Variants in TTC7B observed in about 807,000 individuals in gnomAD.
TTC7B encodes tetratricopeptide repeat protein 7B.
In TTC7B, 28 loss-of-function variants were observed where a neutral mutation model predicts 106.8. The ratio of observed to expected loss-of-function variants is 0.26; its 90% confidence interval spans 0.19 to 0.36. The LOEUF (loss-of-function observed/expected upper bound fraction) is 0.36, where lower values mean the gene tolerates loss of function less well. TTC7B is among the 10% of genes least tolerant of loss of function. The probability of loss-of-function intolerance (pLI) is 1.00; values close to 1 mark genes in which losing one functional copy is unlikely to be tolerated. For synonymous variants in TTC7B, 405 were observed against 430.6 expected (o/e 0.94, Z 0.74); for missense variants, 862 against 1,076.4 (o/e 0.80, Z 2.79).
intron 19 of TTC7B, chr14:90,569,595 G>A (rs1425804013): frequency 6.6e-6 from 1 of 152,268 alleles, no homozygotes; most frequent in Non-Finnish European, 1.5e-5. Context: ...TTTCTGGTTG[G>A]GAACTCAGTC....
At chr14:90,762,651 T>C (rs541993283) in intron 3 of TTC7B, among the ~76,000 whole-genome samples, 3 of 152,346 alleles carry the variant, frequency 2.0e-5, no homozygotes, top group Admixed American at 2.0e-4. Flanking sequence ...ATGACATGTA[T>C]CGGGTTTGCT....
At chr14:90,763,300 T>TA (rs1290163391) in intron 3 of TTC7B, among the ~76,000 whole-genome samples, 1 of 151,878 alleles carries the variant, frequency 6.6e-6, no homozygotes, top group Non-Finnish European at 1.5e-5. Context: ...AACAATGCAA[T>TA]AAAAAAATTA....
At chr14:90,682,006 T>G (rs1887070882) in intron 7 of TTC7B, among the ~76,000 whole-genome samples, 1 of 152,238 alleles carries the variant, frequency 6.6e-6, no homozygotes. Flanking sequence ...TGAACCATTG[T>G]GTGTATGTGT....
At chr14:90,781,581 C>T (rs1231030930) in intron 2 of TTC7B, among the ~76,000 whole-genome samples, 1 of 152,186 alleles carries the variant, frequency 6.6e-6, no homozygotes, top group Non-Finnish European at 1.5e-5. Context: ...GCACCTGTCT[C>T]AGAAAAGGAA....
intron 4 of TTC7B, 76 bp from the exon 5 acceptor site, chr14:90,730,272 T>A: frequency 6.6e-7 from 1 of 1,514,384 alleles, no homozygotes; most frequent in East Asian, 2.3e-5. Flanking sequence ...TCTCTAAATG[T>A]ACTGCTCGAC....
chr14:90,786,413 AC>A (rs1376654335), intron 1 of TTC7B, 85 bp from the exon 2 acceptor site: 16 of 1,535,166 alleles, frequency 1.0e-5, no homozygotes, highest in Non-Finnish European at 1.3e-5. Flanking sequence ...CAGAACCACC[AC>A]CCTCCGAGGC....
At chr14:90,664,353 T>A (rs1051821688) in intron 9 of TTC7B, among the ~76,000 whole-genome samples, 6 of 152,180 alleles carry the variant, frequency 3.9e-5, no homozygotes, top group Non-Finnish European at 8.8e-5. Context: ...CAGTGCAAGC[T>A]CCGCCTCCTG....
In TTC7B at chr14:90,534,151, G is replaced by C. The variant is rs1442299375; in HGVS notation, c.*7217C>G. ...TGACCTTGAGGGGGGGCCTCAGCCT[G>C]GCCCCCAAAAGACCTTCAGGAGGAG... On this transcript the variant is annotated 3_prime_UTR_variant, in exon 20 of 20. Coordinates refer to ENST00000328459, the MANE Select transcript of TTC7B (RefSeq NM_001010854.2). 6.6e-6 allele frequency: 1 copy of C among 152,374 alleles called. No homozygotes were observed. The highest frequency in any genetic ancestry group is 1.5e-5 in the Non-Finnish European group (1 of 68,134). 9.4% of individuals were successfully genotyped at this position (152,374 alleles called of 1,614,324 possible).
At chr14:90,580,747 C>A (rs1891454466) in intron 18 of TTC7B, among the ~76,000 whole-genome samples, 2 of 152,224 alleles carry the variant, frequency 1.3e-5, no homozygotes, top group African/African-American at 4.8e-5. Flanking sequence ...TCTCTGACCA[C>A]CCGCCTCAGC....
chr14:90,562,255 T>G (rs1050742813), intron 19 of TTC7B, among the ~76,000 whole-genome samples: 1 of 152,158 alleles, frequency 6.6e-6, no homozygotes, highest in Non-Finnish European at 1.5e-5. Flanking sequence ...TGTCCCCTCA[T>G]GTTCGTGAAG....
At position 90,682,086 on chromosome 14, in the gene TTC7B, A is replaced by G. The variant is rs532398053; in HGVS notation, c.951-1551T>C. ...TCCTGATATCCTGGCTTGTGGTTAC[A>G]TGCAACTAGGATCTTGCAAATAAAG... On this transcript the variant is annotated intron_variant, in intron 7 of 19. Coordinates refer to ENST00000328459, the MANE Select transcript of TTC7B (RefSeq NM_001010854.2). Among the ~76,000 whole-genome samples the G allele has an allele frequency of 5.9e-5, 9 of 152,342 alleles. No homozygotes were observed. The East Asian group carries it at 1.7e-3, about 29-fold the overall frequency.
Position 90,699,950 on chromosome 14 carries a change from G to A in TTC7B, c.699-4372C>T, listed in dbSNP as rs530555750. On this transcript the variant is annotated intron_variant, in intron 5 of 19. Coordinates refer to ENST00000328459, the MANE Select transcript of TTC7B (RefSeq NM_001010854.2). ...CTGACATAACCCAAGCCTCTGAAAC[G>A]GAGCCTGGCATACAGGAAGCACCCA... Among the ~76,000 whole-genome samples the A allele has an allele frequency of 4.6e-5, 7 of 152,316 alleles. No individual in the cohort carries two copies. In the South Asian group the frequency reaches 8.3e-4, roughly 18 times the overall value.
At chr14:90,551,821 C>T (rs932122634) in intron 19 of TTC7B, among the ~76,000 whole-genome samples, 14 of 152,182 alleles carry the variant, frequency 9.2e-5, no homozygotes, top group African/African-American at 3.4e-4. Flanking sequence ...TGAGTACAAG[C>T]ATTTTGTGGG....
chr14:90,755,244 A>G (rs1261451657), intron 3 of TTC7B, among the ~76,000 whole-genome samples: 1 of 152,198 alleles, frequency 6.6e-6, no homozygotes, highest in Middle Eastern at 3.2e-3. Context: ...AATTAGACAT[A>G]TACCTAGGGT....
At chr14:90,553,981 G>A (rs1890196654) in intron 19 of TTC7B, among the ~76,000 whole-genome samples, 1 of 152,234 alleles carries the variant, frequency 6.6e-6, no homozygotes, top group Non-Finnish European at 1.5e-5. Context: ...GTAATGGGCT[G>A]TCAGGCAGTA....
intron 17 of TTC7B, among the ~76,000 whole-genome samples, chr14:90,597,683 C>A (rs1228305746): frequency 1.3e-4 from 20 of 150,778 alleles, no homozygotes; most frequent in South Asian, 4.2e-4. Flanking sequence ...ACAACAACAA[C>A]AAAAAAAACC....
chr14:90,617,306 GTATC>G (rs10578991), intron 16 of TTC7B, among the ~76,000 whole-genome samples: 25,943 of 152,082 alleles, frequency 0.17, 2,249 homozygotes, highest in South Asian at 0.21. Flanking sequence ...TGTTGTTTTT[GTATC>G]TACTTGCAAA....
At chr14:90,582,943 G>A (rs1187897060) in intron 18 of TTC7B, among the ~76,000 whole-genome samples, 6 of 152,198 alleles carry the variant, frequency 3.9e-5, no homozygotes, top group Non-Finnish European at 7.3e-5. Context: ...CCCACCACCC[G>A]TGAGATCACC....
At chr14:90,790,370 G>A (rs945884279) in intron 1 of TTC7B, among the ~76,000 whole-genome samples, 36 of 151,562 alleles carry the variant, frequency 2.4e-4, no homozygotes, top group African/African-American at 8.2e-4. Context: ...ACTTCTGAGT[G>A]GTAAGACTAT....
Sources: gnomAD v4.1 joint callset for allele counts (sites outside exome capture counted in the v4.1 genomes callset) on GRCh38, gnomAD v4.1.1 for gene constraint, MANE v1.5 for transcripts, NCBI Gene and HGNC (gene_info 2026-07-23, HGNC 2026-07-21) for gene names.